The following CDK18 variants were observed in gnomAD, a reference collection of about 807,000 sequenced individuals.
CDK18 encodes the protein cyclin-dependent kinase 18.
In CDK18, 52 loss-of-function variants were observed where a neutral mutation model predicts 62.0. That is an observed-to-expected ratio of 0.84 (90% CI 0.67 to 1.06). The LOEUF (loss-of-function observed/expected upper bound fraction) is 1.06. Among genes scored for constraint, CDK18 ranks in the 50% least tolerant of loss-of-function variants. The pLI is 0.00. For synonymous variants in CDK18, 237 were observed against 247.0 expected (o/e 0.96, Z 0.38); for missense variants, 604 against 619.9 (o/e 0.97, Z 0.27).
intron 6 of CDK18, 66 bp downstream of exon 6, chr1:205,526,245 C>A (rs1668418593): frequency 6.6e-7 from 1 of 1,517,264 alleles, no homozygotes; most frequent in Non-Finnish European, 9.1e-7. Flanking sequence ...CAGCCTGCAC[C>A]CTTGTGGGAG....
chr1:205,529,054 T>C lies in CDK18; in HGVS notation c.1030T>C (p.Ser344Pro). 6.3e-7 allele frequency: 1 copy of C among 1,596,262 alleles called. No homozygotes were observed. Residue 344 changes from serine to proline, a missense_variant, in exon 11 of 16, where the codon TCC (serine) becomes CCC (proline). Physicochemically the swap from Ser to Pro is moderately conservative, Grantham distance 74. Coordinates refer to ENST00000429964, the MANE Select transcript of CDK18 (RefSeq NM_212502.3). ...CACAGGGAGGCCCCTCTTCCCGGGC[T>C]CCACAGTCAAGGAGGAGCTGCACCT... Reference protein sequence around the residue: ...MATGRPLFPGSTVKEELHLIF... With the variant: ...MATGRPLFPGPTVKEELHLIF...
Position 205,528,205 on chromosome 1 carries a change from A to T in CDK18, c.974+37A>T, listed in dbSNP as rs1668541559. 3 of 1,608,076 alleles carry T rather than the reference A, an allele frequency of 1.9e-6. No individual in the cohort carries two copies. The highest frequency in any genetic ancestry group is 2.5e-6 in the Non-Finnish European group (3 of 1,176,752). On this transcript the variant is annotated intron_variant, in intron 10 of 15. Coordinates refer to ENST00000429964, the MANE Select transcript of CDK18 (RefSeq NM_212502.3). The surrounding 1 kb of genome is among the most constrained non-coding windows in gnomAD (Gnocchi z 4.2). ...CTGTGGGGACCGAGGAGGGGAGGAC[A>T]GGCCTGGCCACACCTCCAGACTCTC... is the stretch of plus-strand genomic sequence containing the variant.
chr1:205,510,846 G>A (rs1558767256), intron 1 of CDK18, among the ~76,000 whole-genome samples: 2 of 152,228 alleles, frequency 1.3e-5, no homozygotes, highest in Non-Finnish European at 2.9e-5. Flanking sequence ...ACTTTTGCCT[G>A]TCCTGCTAAC....
intron 1 of CDK18, among the ~76,000 whole-genome samples, chr1:205,521,297 C>T (rs569055190): frequency 2.0e-5 from 3 of 152,214 alleles, no homozygotes; most frequent in East Asian, 3.9e-4. Flanking sequence ...CTGCAACCTC[C>T]GCCTCCAGGG....
intron 3 of CDK18, 96 bp from the exon 4 acceptor site, chr1:205,524,136 A>G (rs534922704): frequency 4.0e-5 from 57 of 1,424,706 alleles, no homozygotes; most frequent in Non-Finnish European, 3.0e-6. Context: ...GTTGTTCTGC[A>G]GGGAACGCTA....
chr1:205,526,015 G>A (rs1049334026), intron 5 of CDK18, 50 bp from the exon 6 acceptor site: 1 of 1,384,000 alleles, frequency 7.2e-7, no homozygotes, highest in South Asian at 1.2e-5. Flanking sequence ...ACTGGACAGA[G>A]GCCAGCAGCA....
chr1:205,523,013 C>T (rs1668213259), intron 1 of CDK18, 134 bp from the exon 2 acceptor site: 1 of 968,066 alleles, frequency 1.0e-6, no homozygotes, highest in Non-Finnish European at 1.5e-6. Context: ...TTGCAGAAGA[C>T]ACAACCCTGG....
At chr1:205,509,130 GAAACA>G (rs796147125) in intron 1 of CDK18, among the ~76,000 whole-genome samples, 2 of 152,072 alleles carry the variant, frequency 1.3e-5, no homozygotes, top group Non-Finnish European at 2.9e-5. Flanking sequence ...GCCTGGGCGA[GAAACA>G]AAACAAAACA....
chr1:205,527,956 G>T lies in CDK18; in HGVS notation c.853+39G>T. The T allele has an allele frequency of 6.2e-7, 1 of 1,613,374 alleles. No homozygotes were observed. Among genetic ancestry groups the T allele is most frequent in the African/African-American group, 1.3e-5 (1 of 74,994 alleles). ...TAGGGTGGGGGTCTGACGCTACTGG[G>T]GTGCCTCAGGGTGTGGGTGCAGTGG... On this transcript the variant is annotated intron_variant, in intron 9 of 15. Transcript: ENST00000429964. The surrounding 1 kb of genome is among the most constrained non-coding windows in gnomAD (Gnocchi z 4.1).
chr1:205,526,041 G>A, intron 5 of CDK18, 24 bp from the exon 6 acceptor site: 3 of 1,572,852 alleles, frequency 1.9e-6, no homozygotes, highest in Non-Finnish European at 2.6e-6. Context: ...ATGCGCCTGG[G>A]GCCGCTGTGG....
intron 1 of CDK18, among the ~76,000 whole-genome samples, chr1:205,509,939 G>A (rs1667485502): frequency 1.3e-5 from 2 of 152,060 alleles, no homozygotes; most frequent in African/African-American, 4.8e-5. Flanking sequence ...AATTAGCCAG[G>A]CATGGTGGCA....
chr1:205,526,393 GC>G lies in CDK18; in HGVS notation c.600del (p.Asn201IlefsTer3). 1 of 1,614,036 alleles carries G rather than the reference GC, an allele frequency of 6.2e-7. No homozygotes were observed. Among genetic ancestry groups the G allele is most frequent in the South Asian group, 1.1e-5 (1 of 91,080 alleles). On this transcript the variant is annotated frameshift_variant, in exon 7 of 16. Transcript: ENST00000429964. LOFTEE classifies it high-confidence loss of function. Reference protein sequence around the residue: ...EVSLLKNLKHANIVTLHDLIH... With the variant: ...EVSLLKNLKHXNIVTLHDLIH... ...GTCTCTGCTGAAGAACCTGAAGCAC[GC>G]CAATATTGTGACCCTGCATGACCTC...
At position 205,526,423 on chromosome 1, in the gene CDK18, C is replaced by T; in HGVS notation, c.628C>T (p.His210Tyr). The T allele has an allele frequency of 6.2e-7, 1 of 1,614,090 alleles. No individual in the cohort carries two copies. Among genetic ancestry groups the T allele is most frequent in the Non-Finnish European group, 8.5e-7 (1 of 1,179,942 alleles). The change falls in exon 7 of 16, where the codon CAC becomes TAC. Residue 210 changes from histidine to tyrosine, a missense_variant. Physicochemically the swap from His to Tyr is moderately conservative, Grantham distance 83. Coordinates refer to ENST00000429964, the MANE Select transcript of CDK18 (RefSeq NM_212502.3). ...TATTGTGACCCTGCATGACCTCATC[C>T]ACACAGATCGGTCCCTCACCCTGGT... ...ANIVTLHDLI[H>Y]TDRSLTLVFE...
chr1:205,515,008 G>A (rs149043321), intron 1 of CDK18, among the ~76,000 whole-genome samples: 202 of 152,212 alleles, frequency 1.3e-3, no homozygotes, highest in African/African-American at 4.7e-3. Context: ...GCAAAGCTGT[G>A]GGGTGTGAGT....
In CDK18 at chr1:205,529,402, C is replaced by T. The variant is rs756053212; in HGVS notation, c.1151C>T (p.Pro384Leu). 2.5e-6 allele frequency: 4 copies of T among 1,614,022 alleles called. No individual in the cohort carries two copies. The highest frequency in any genetic ancestry group is 2.2e-5 in the East Asian group (1 of 44,880). ...ACCTACAGCTTCCCCTGCTACCTCCCGCAGCCGCTCATCAACCACGCGCCC... is the reference window on the plus strand; with the variant it reads ...ACCTACAGCTTCCCCTGCTACCTCCTGCAGCCGCTCATCAACCACGCGCCC... ...FRTYSFPCYL[P>L]QPLINHAPRL... Residue 384 changes from proline to leucine, a missense_variant, in exon 12 of 16, where the codon CCG (proline) becomes CTG (leucine). Transcript: ENST00000429964.
chr1:205,515,835 G>T (rs1031456789), intron 1 of CDK18, among the ~76,000 whole-genome samples: 1 of 152,190 alleles, frequency 6.6e-6, no homozygotes, highest in Non-Finnish European at 1.5e-5. Flanking sequence ...AATTGCTCCC[G>T]GAAGGCCTTC....
In CDK18 at chr1:205,527,614, C is replaced by T; in HGVS notation, c.730-180C>T. 1.6e-6 allele frequency: 1 copy of T among 641,702 alleles called. No individual in the cohort carries two copies. The highest frequency in any genetic ancestry group is 2.8e-6 in the Non-Finnish European group (1 of 361,546). The allele number at this position is 641,702 out of a possible 1,614,324, so 39.8% of individuals were successfully genotyped here. A position where few individuals can be genotyped will look rare whatever the true frequency, so the allele number is the denominator to read the frequency against. ...GCGTCCTCTGCACCCCTGCTGTCCTCCCCTCTGGATGGGATTCCCTGGTGT... is the reference window on the plus strand; with the variant it reads ...GCGTCCTCTGCACCCCTGCTGTCCTTCCCTCTGGATGGGATTCCCTGGTGT... On this transcript the variant is annotated intron_variant, in intron 8 of 15. Transcript: ENST00000429964. The surrounding 1 kb of genome is among the most constrained non-coding windows in gnomAD (Gnocchi z 4.1).
At chr1:205,507,022 G>A (rs1435600030) in intron 1 of CDK18, among the ~76,000 whole-genome samples, 7 of 152,286 alleles carry the variant, frequency 4.6e-5, no homozygotes, top group East Asian at 3.9e-4. Flanking sequence ...GGGCCGTCCC[G>A]CACTCGGGAA....
rs1668575542 is a variant in CDK18 at position 205,528,834 on chromosome 1, C to G, written c.975-165C>G. 1 of 525,112 alleles carries G rather than the reference C, an allele frequency of 1.9e-6. No individual in the cohort carries two copies. The highest frequency in any genetic ancestry group is 3.4e-6 in the Non-Finnish European group (1 of 294,038). 32.5% of individuals were successfully genotyped at this position (525,112 alleles called of 1,614,324 possible). ...CCCCAGAGAGGGGCTGTAGTGGGGG[C>G]TGGGCAGTTCTAGGAGCCTCCACTG... is the stretch of plus-strand genomic sequence containing the variant. On this transcript the variant is annotated intron_variant, in intron 10 of 15. Coordinates refer to ENST00000429964, the MANE Select transcript of CDK18 (RefSeq NM_212502.3). The surrounding 1 kb of genome is among the most constrained non-coding windows in gnomAD (Gnocchi z 4.2).
Sources: allele counts gnomAD v4.1 joint callset (sites outside exome capture counted in the v4.1 genomes callset), GRCh38; gene constraint gnomAD v4.1.1; non-coding constraint Gnocchi (gnomAD v3.1); transcripts MANE v1.5; gene names NCBI Gene and HGNC (gene_info 2026-07-23, HGNC 2026-07-21).